Variants in TOPBP1 observed in about 807,000 individuals in gnomAD.
The protein encoded by TOPBP1 is DNA topoisomerase 2-binding protein 1.
A neutral mutation model predicts 167.7 loss-of-function variants in TOPBP1; 28 were observed. The ratio of observed to expected loss-of-function variants is 0.17; its 90% CI spans 0.12 to 0.23. The LOEUF (loss-of-function observed/expected upper bound fraction) is 0.23. Among genes scored for constraint, TOPBP1 ranks in the 10% least tolerant of loss-of-function variants. The pLI is 1.00. For missense variants in TOPBP1, 1,554 were observed against 1,809.6 expected, an observed-to-expected ratio of 0.86 and a Z score of 2.56; for synonymous variants, 598 against 611.4, an observed-to-expected ratio of 0.98 and a Z score of 0.32.
chr3:133,608,765 C>T, intron 26 of TOPBP1, 69 bp from the exon 27 acceptor site: 2 of 1,578,976 alleles, frequency 1.3e-6, no homozygotes, highest in Non-Finnish European at 1.7e-6. Flanking sequence ...ATAATGTGTA[C>T]TTAAGGATTA....
chr3:133,654,619 T>TA (rs1936416006), intron 6 of TOPBP1, among the ~76,000 whole-genome samples: 1 of 152,208 alleles, frequency 6.6e-6, no homozygotes, highest in African/African-American at 2.4e-5. Flanking sequence ...AGGGCAATAA[T>TA]AAAAACATTA....
chr3:133,639,623 G>A (rs903766439), intron 13 of TOPBP1, among the ~76,000 whole-genome samples: 2 of 152,066 alleles, frequency 1.3e-5, no homozygotes, highest in African/African-American at 2.4e-5. Flanking sequence ...AAAATGAAAG[G>A]CTTCCCAGGG....
chr3:133,654,540 G>A (rs1338507957), intron 6 of TOPBP1, among the ~76,000 whole-genome samples: 4 of 152,050 alleles, frequency 2.6e-5, no homozygotes, highest in Non-Finnish European at 5.9e-5. Context: ...TCTGACTTAA[G>A]GACAATTACC....
intron 14 of TOPBP1, among the ~76,000 whole-genome samples, chr3:133,629,704 T>C (rs1172286876): frequency 6.6e-6 from 1 of 152,218 alleles, no homozygotes; most frequent in East Asian, 1.9e-4. Context: ...CTGATAAGAC[T>C]AAAAAATTTT....
intron 7 of TOPBP1, 108 bp downstream of exon 7, chr3:133,653,237 A>T: frequency 9.0e-7 from 1 of 1,109,628 alleles, no homozygotes; most frequent in Non-Finnish European, 1.2e-6. Flanking sequence ...GAAGCACAGC[A>T]AACAAGAAAA....
At position 133,652,514 on chromosome 3, in the gene TOPBP1, A is replaced by C. The variant is rs1228560621; in HGVS notation, c.1038T>G (p.Asn346Lys). 1.9e-6 allele frequency: 3 copies of C among 1,611,810 alleles called. No homozygotes were observed. Among genetic ancestry groups the C allele is most frequent in the African/African-American group, 2.7e-5 (2 of 74,846 alleles). The change falls in exon 8 of 28, where the codon AAT (asparagine) becomes AAG (lysine). Residue 346 changes from asparagine to lysine, a missense_variant. By Grantham distance (94) the Asn-to-Lys change is moderately conservative. Around this residue, in one of 3 missense-constraint regions of TOPBP1, gnomAD observed 1,197 missense variants for 1,351.5 expected, o/e 0.89. Transcript: ENST00000260810. ...GTGCTTGAAATGCACTGACATCCAGATTTTCTAGATTTTCAAGTGTAGGCT... is the reference window on the plus strand; with the variant it reads ...GTGCTTGAAATGCACTGACATCCAGCTTTTCTAGATTTTCAAGTGTAGGCT... Reference protein sequence around the residue: ...KLEPTLENLENLDVSAFQAPE... With the variant: ...KLEPTLENLEKLDVSAFQAPE...
chr3:133,643,742 G>A (rs1021978467), intron 11 of TOPBP1, among the ~76,000 whole-genome samples: 2 of 152,004 alleles, frequency 1.3e-5, no homozygotes, highest in African/African-American at 2.4e-5. Context: ...CTTTGGTTAT[G>A]AGAAAACAAG....
At chr3:133,613,773 T>A (rs1423054820) in intron 23 of TOPBP1, among the ~76,000 whole-genome samples, 1 of 151,220 alleles carries the variant, frequency 6.6e-6, no homozygotes, top group Admixed American at 6.6e-5. Context: ...CAGAGTTAGT[T>A]ATATCAAGGA....
At chr3:133,631,726 C>A (rs964331635) in intron 14 of TOPBP1, among the ~76,000 whole-genome samples, 1 of 152,142 alleles carries the variant, frequency 6.6e-6, no homozygotes, top group Non-Finnish European at 1.5e-5. Flanking sequence ...GCAATCTCTG[C>A]CTCCTGGTTC....
chr3:133,644,514 CCCCG>C (rs1936012752), intron 10 of TOPBP1, among the ~76,000 whole-genome samples, 151 bp from the exon 11 acceptor site: 2 of 152,226 alleles, frequency 1.3e-5, no homozygotes, highest in East Asian at 1.9e-4. Flanking sequence ...TATGGATTCA[CCCCG>C]TCTTCGGGGT....
intron 16 of TOPBP1, among the ~76,000 whole-genome samples, chr3:133,625,055 C>T (rs906472174): frequency 6.6e-6 from 1 of 152,208 alleles, no homozygotes; most frequent in African/African-American, 2.4e-5. Context: ...CAATCTCCAC[C>T]TCCCGGGTTC....
chr3:133,643,912 G>T, intron 11 of TOPBP1, 108 bp downstream of exon 11: 1 of 1,167,950 alleles, frequency 8.6e-7, no homozygotes, highest in Non-Finnish European at 1.2e-6. Flanking sequence ...GAGTGTTCAA[G>T]TCCAAGCATT....
At chr3:133,602,892 ATT>A (rs11458236) in intron 27 of TOPBP1, among the ~76,000 whole-genome samples, 22 of 121,416 alleles carry the variant, frequency 1.8e-4, no homozygotes, top group Non-Finnish European at 2.6e-4. Flanking sequence ...ACCTTTTTTC[ATT>A]TTTTTTTTTT....
At position 133,608,594 on chromosome 3, in the gene TOPBP1, C is replaced by T; in HGVS notation, c.4366G>A (p.Ala1456Thr). 1 of 1,613,844 alleles carries T rather than the reference C, an allele frequency of 6.2e-7. No individual in the cohort carries two copies. The highest frequency in any genetic ancestry group is 8.5e-7 in the Non-Finnish European group (1 of 1,179,792). Residue 1456 changes from alanine to threonine, a missense_variant, in exon 27 of 28, where the codon GCT (alanine) becomes ACT (threonine). Physicochemically the swap from Ala to Thr is moderately conservative, Grantham distance 58 (BLOSUM62 0). Transcript: ENST00000260810. ...AAGCAGTACACGTTCTGGGCAGCAG[C>T]TTCTGCTATATTAACTCCTGAGTCA... ...PDDSGVNIAE[A>T]AAQNVYCLRT...
intron 14 of TOPBP1, among the ~76,000 whole-genome samples, chr3:133,637,539 T>C (rs62282420): frequency 0.14 from 21,192 of 152,232 alleles, 1,832 homozygotes; most frequent in Non-Finnish European, 0.2. Context: ...ATTTGATCTT[T>C]ATAATCTATG....
At chr3:133,656,555 GA>G in intron 5 of TOPBP1, 120 bp downstream of exon 5, 1 of 972,232 alleles carries the variant, frequency 1.0e-6, no homozygotes. Flanking sequence ...TTTCGCTGGA[GA>G]AAAGAGTAAT....
At chr3:133,657,365 GCT>G in intron 4 of TOPBP1, among the ~76,000 whole-genome samples, 1 of 142,746 alleles carries the variant, frequency 7.0e-6, no homozygotes, top group South Asian at 2.3e-4. Flanking sequence ...TATTTCTATA[GCT>G]CTCTCTTAGA....
intron 2 of TOPBP1, among the ~76,000 whole-genome samples, chr3:133,660,052 A>G (rs1936631769): frequency 6.6e-6 from 1 of 151,688 alleles, no homozygotes; most frequent in Non-Finnish European, 1.5e-5. Flanking sequence ...CCCATCCCTC[A>G]CTCACTACAC....
At chr3:133,653,733 G>A (rs988022856) in intron 6 of TOPBP1, among the ~76,000 whole-genome samples, 10 of 151,436 alleles carry the variant, frequency 6.6e-5, no homozygotes, top group East Asian at 1.9e-4. Flanking sequence ...CTGATCAAGC[G>A]ATTCTCCTGC....
Sources: gnomAD v4.1 joint callset for allele counts (sites outside exome capture counted in the v4.1 genomes callset) on GRCh38, gnomAD v4.1.1 for gene constraint, gnomAD v4.1.1 regional missense constraint, MANE v1.5 for transcripts, NCBI Gene and HGNC (gene_info 2026-07-23, HGNC 2026-07-21) for gene names.